Variants in MYOZ2 observed in about 807,000 individuals in gnomAD.
The protein encoded by MYOZ2 is myozenin-2.
Under a neutral mutation model 25.4 loss-of-function variants are expected in MYOZ2, and 19 were observed. That is an observed-to-expected ratio of 0.75 (90% CI 0.52 to 1.10). MYOZ2 has a LOEUF of 1.10. Ranked by LOEUF, MYOZ2 falls within the 50% of genes least tolerant of loss-of-function variation. The pLI, the probability that MYOZ2 is intolerant of heterozygous loss-of-function variation, is 0.00. For synonymous variants in MYOZ2, 92 were observed against 106.9 expected (o/e 0.86, Z 0.86); for missense variants, 270 against 317.9 (o/e 0.85, Z 1.15).
intron 5 of MYOZ2, among the ~76,000 whole-genome samples, chr4:119,184,716 A>G (rs771610609): frequency 1.7e-4 from 26 of 152,236 alleles, no homozygotes; most frequent in Admixed American, 1.4e-3. Context: ...TAAATCAAAC[A>G]AAGCAAAAAA....
rs758181218 is a variant in MYOZ2, at chr4:119,150,952, C to G, written c.157C>G (p.Arg53Gly). ...MLEELSHLSN[R>G]GARLFKMRQR... ...GGAAGAATTATCCCATCTCAGTAACCGTGGTGCCAGGCTATTTAAGATGCG... is the reference window on the plus strand; with the variant it reads ...GGAAGAATTATCCCATCTCAGTAACGGTGGTGCCAGGCTATTTAAGATGCG... Residue 53 changes from arginine to glycine, a missense_variant, in exon 3 of 6, where the codon CGT (arginine) becomes GGT (glycine). By Grantham distance (125) the Arg-to-Gly change is moderately radical (BLOSUM62 -2). Coordinates refer to ENST00000307128, the MANE Select transcript of MYOZ2 (RefSeq NM_016599.5). 2 of 1,613,582 alleles carry G rather than the reference C, an allele frequency of 1.2e-6. No individual in the cohort carries two copies. Among genetic ancestry groups the G allele is most frequent in the Admixed American group, 1.7e-5 (1 of 59,984 alleles).
chr4:119,169,348 C>T (rs1056288549), intron 5 of MYOZ2, among the ~76,000 whole-genome samples: 6 of 152,132 alleles, frequency 3.9e-5, no homozygotes. Context: ...TACAATATCT[C>T]CAAAGTACGC....
chr4:119,176,973 C>T (rs771362067), intron 5 of MYOZ2, among the ~76,000 whole-genome samples: 2 of 152,174 alleles, frequency 1.3e-5, no homozygotes, highest in Non-Finnish European at 2.9e-5. Flanking sequence ...TCTGTGACCA[C>T]ACACTGAGTA....
intron 5 of MYOZ2, among the ~76,000 whole-genome samples, chr4:119,174,173 C>T (rs988037726): frequency 4.6e-5 from 7 of 152,338 alleles, no homozygotes; most frequent in African/African-American, 9.6e-5. Context: ...GGAGTGCAAG[C>T]GCACGGCGCA....
At chr4:119,177,458 TTTTCTAGGACAATTTGAATTGTC>T (rs1742097452) in intron 5 of MYOZ2, among the ~76,000 whole-genome samples, 1 of 152,142 alleles carries the variant, frequency 6.6e-6, no homozygotes, top group Non-Finnish European at 1.5e-5. Flanking sequence ...ACAATTCAAA[TTTTCTAGGACAATTTGAATTGTC>T]CTAGAAGACA....
chr4:119,171,753 CATA>C (rs1741952159), intron 5 of MYOZ2, among the ~76,000 whole-genome samples: 2 of 148,710 alleles, frequency 1.3e-5, no homozygotes, highest in South Asian at 4.2e-4. Flanking sequence ...AATAATTTAA[CATA>C]ATATTACACG....
intron 5 of MYOZ2, among the ~76,000 whole-genome samples, chr4:119,177,272 C>T (rs532749897): frequency 6.6e-6 from 1 of 152,152 alleles, no homozygotes; most frequent in Admixed American, 6.5e-5. Context: ...AGCTCCAATT[C>T]TGATTAAGTC....
chr4:119,155,338 G>A (rs1741549758), intron 3 of MYOZ2, among the ~76,000 whole-genome samples: 1 of 151,940 alleles, frequency 6.6e-6, no homozygotes, highest in Non-Finnish European at 1.5e-5. Context: ...AATAGGATGG[G>A]GACTCCAAAT....
chr4:119,167,702 T>TTTGAG lies in MYOZ2; in HGVS notation c.560+3318_560+3322dup, dbSNP rs1399491490. Among the ~76,000 whole-genome samples, 3 of 152,160 alleles carry TTTGAG rather than the reference T, an allele frequency of 2.0e-5. No homozygotes were observed. The East Asian group carries it at 5.8e-4, about 29-fold the overall frequency. On this transcript the variant is annotated intron_variant, in intron 5 of 5. Transcript: ENST00000307128. ...ACTAGAAACTAATGTAGCTGGTGAA[T>TTTGAG]TTGAGTTGAGTTGAAGCCAATGCTC...
At chr4:119,179,080 T>A (rs1459341932) in intron 5 of MYOZ2, among the ~76,000 whole-genome samples, 4 of 152,194 alleles carry the variant, frequency 2.6e-5, no homozygotes, top group Non-Finnish European at 4.4e-5. Context: ...TCAGGTCGTG[T>A]CCCCTTCCAA....
chr4:119,164,165 A>G, intron 4 of MYOZ2, 46 bp from the exon 5 acceptor site: 1 of 1,552,806 alleles, frequency 6.4e-7, no homozygotes. Context: ...GAGGTTAGTA[A>G]CTCTCGGGCA....
chr4:119,175,312 A>C (rs1210386800), intron 5 of MYOZ2, among the ~76,000 whole-genome samples: 1 of 152,230 alleles, frequency 6.6e-6, no homozygotes, highest in African/African-American at 2.4e-5. Flanking sequence ...TTTAGTGCAG[A>C]GGGATGTGTC....
At chr4:119,155,550 A>G (rs13133956) in intron 3 of MYOZ2, among the ~76,000 whole-genome samples, 89,734 of 152,042 alleles carry the variant, frequency 0.59, 28,796 homozygotes, top group Non-Finnish European at 0.72. Context: ...AGAACAGAAA[A>G]GAGGGCATTC....
chr4:119,185,841 G>A, intron 5 of MYOZ2, 125 bp from the exon 6 acceptor site: 1 of 779,080 alleles, frequency 1.3e-6, no homozygotes, highest in African/African-American at 1.7e-5. Context: ...TAGAATATAA[G>A]TAAGCCCATA....
At chr4:119,140,937 C>T (rs1741147308) in intron 2 of MYOZ2, among the ~76,000 whole-genome samples, 1 of 152,048 alleles carries the variant, frequency 6.6e-6, no homozygotes, top group African/African-American at 2.4e-5. Context: ...AGATGGTATT[C>T]AAAATCAACT....
chr4:119,166,176 A>T (rs1429999953), intron 5 of MYOZ2, among the ~76,000 whole-genome samples: 1 of 152,224 alleles, frequency 6.6e-6, no homozygotes, highest in Non-Finnish European at 1.5e-5. Flanking sequence ...GTATATTCTT[A>T]GACTTCTTAT....
intron 2 of MYOZ2, among the ~76,000 whole-genome samples, chr4:119,145,351 T>G (rs1269888003): frequency 6.8e-6 from 1 of 147,346 alleles, no homozygotes; most frequent in African/African-American, 2.5e-5. Context: ...TTTTTTTTTT[T>G]TTTTTTTTTT....
chr4:119,136,433 G>T (rs954208271), intron 1 of MYOZ2, 79 bp from the exon 2 acceptor site: 2 of 1,239,350 alleles, frequency 1.6e-6, no homozygotes, highest in African/African-American at 1.5e-5. Context: ...CAAAGATGTT[G>T]TCTTTCAAAA....
At chr4:119,183,201 C>A (rs1399641084) in intron 5 of MYOZ2, among the ~76,000 whole-genome samples, 1 of 151,734 alleles carries the variant, frequency 6.6e-6, no homozygotes, top group African/African-American at 2.4e-5. Flanking sequence ...AGAGTACAGT[C>A]TGGTAAGAAA....
Sources: allele counts gnomAD v4.1 joint callset (sites outside exome capture counted in the v4.1 genomes callset), GRCh38; gene constraint gnomAD v4.1.1; transcripts MANE v1.5; gene names NCBI Gene and HGNC (gene_info 2026-07-23, HGNC 2026-07-21).